TTC3: variants seen among roughly 807,000 people sequenced by gnomAD.
TTC3 encodes tetratricopeptide repeat domain 3.
TTC3 carries 180 observed loss-of-function variants against 249.6 expected under a neutral mutation model. The observed-to-expected ratio is 0.72, with a 90% CI of 0.64 to 0.82. The LOEUF is 0.82. TTC3 is among the 40% of genes least tolerant of loss of function. The pLI is 0.00. For synonymous variants in TTC3, 717 were observed against 805.0 expected, an observed-to-expected ratio of 0.89 and a Z score of 1.85; for missense variants, 2,061 against 2,398.4, an observed-to-expected ratio of 0.86 and a Z score of 2.94.
chr21:37,102,287 T>C (rs1033040769), intron 10 of TTC3, among the ~76,000 whole-genome samples: 4 of 152,228 alleles, frequency 2.6e-5, no homozygotes, highest in Admixed American at 1.3e-4. Flanking sequence ...ATAGTTGTTA[T>C]TTCTTTATTG....
chr21:37,195,619 GT>G, intron 41 of TTC3, 55 bp from the exon 42 acceptor site: 1 of 1,530,668 alleles, frequency 6.5e-7, no homozygotes, highest in Non-Finnish European at 8.8e-7. Context: ...GTCCTTGGGC[GT>G]TTCATCCTTC....
At chr21:37,094,992 T>C (rs2073758482) in intron 8 of TTC3, among the ~76,000 whole-genome samples, 1 of 151,968 alleles carries the variant, frequency 6.6e-6, no homozygotes, top group African/African-American at 2.4e-5. Flanking sequence ...AAAAATTAGC[T>C]TGGCATGGTG....
chr21:37,185,272 C>T (rs188115681), intron 36 of TTC3, among the ~76,000 whole-genome samples: 38 of 152,242 alleles, frequency 2.5e-4, no homozygotes, highest in Admixed American at 1.9e-3. Context: ...TGTGTGCGTG[C>T]GCACCCGCGT....
chr21:37,119,368 A>T, intron 11 of TTC3, among the ~76,000 whole-genome samples: 1 of 152,164 alleles, frequency 6.6e-6, no homozygotes, highest in Non-Finnish European at 1.5e-5. Context: ...AACAGGAATT[A>T]TTCCTGATTT....
At chr21:37,086,565 T>G (rs998155479) in intron 1 of TTC3, 3 of 152,262 alleles carry the variant, frequency 2.0e-5, no homozygotes, top group African/African-American at 7.2e-5. Flanking sequence ...GATTTAGCAG[T>G]GCTGATTGTG....
intron 35 of TTC3, among the ~76,000 whole-genome samples, chr21:37,173,064 G>A (rs746667899): frequency 9.9e-5 from 15 of 152,084 alleles, no homozygotes; most frequent in Non-Finnish European, 2.1e-4. Flanking sequence ...ATATTGAGAG[G>A]CAGCATAGGA....
intron 15 of TTC3, among the ~76,000 whole-genome samples, chr21:37,127,068 T>C (rs2077093400): frequency 6.6e-6 from 1 of 152,222 alleles, no homozygotes; most frequent in Non-Finnish European, 1.5e-5. Context: ...CTGGCCAGGC[T>C]GGTCTCGAAA....
intron 10 of TTC3, 26 bp from the exon 11 acceptor site, chr21:37,108,366 T>C: frequency 6.3e-7 from 1 of 1,597,484 alleles, no homozygotes; most frequent in South Asian, 1.1e-5. Context: ...GAGTGAAAAT[T>C]TTTAAATACT....
At chr21:37,113,531 A>T (rs1008826064) in intron 11 of TTC3, among the ~76,000 whole-genome samples, 7 of 152,208 alleles carry the variant, frequency 4.6e-5, no homozygotes, top group Non-Finnish European at 8.8e-5. Flanking sequence ...CAATGAAATA[A>T]AAGAGGATAC....
intron 14 of TTC3, among the ~76,000 whole-genome samples, chr21:37,125,225 T>C (rs1423808692): frequency 3.3e-5 from 5 of 152,222 alleles, no homozygotes; most frequent in Admixed American, 3.3e-4. Flanking sequence ...CTTCCACCCT[T>C]TTTGAGGTCT....
chr21:37,187,313 T>G (rs2083413822), intron 38 of TTC3, among the ~76,000 whole-genome samples, 168 bp downstream of exon 38: 1 of 152,254 alleles, frequency 6.6e-6, no homozygotes, highest in Non-Finnish European at 1.5e-5. Context: ...TCCTTGCCTA[T>G]AGCCTTGTAA....
chr21:37,122,416 T>TA (rs1218141992), intron 12 of TTC3, among the ~76,000 whole-genome samples: 1 of 72,302 alleles, frequency 1.4e-5, no homozygotes, highest in Admixed American at 1.7e-4. Flanking sequence ...TATATATATA[T>TA]ATAATATATA....
At chr21:37,136,555 G>C (rs1344018540) in intron 18 of TTC3, among the ~76,000 whole-genome samples, 3 of 152,208 alleles carry the variant, frequency 2.0e-5, no homozygotes, top group African/African-American at 7.2e-5. Context: ...ATTCTGTGAA[G>C]GCTGAGAGAG....
chr21:37,154,764 C>CGGCTCACT (rs573863218), intron 27 of TTC3, among the ~76,000 whole-genome samples: 345 of 152,254 alleles, frequency 2.3e-3, no homozygotes, highest in Non-Finnish European at 4.3e-3. Context: ...GGCGCGATCT[C>CGGCTCACT]GGCTCACTGC....
At chr21:37,144,287 C>T (rs564482131) in intron 20 of TTC3, among the ~76,000 whole-genome samples, 27 of 151,892 alleles carry the variant, frequency 1.8e-4, no homozygotes, top group Admixed American at 5.2e-4. Context: ...AAAAAGTGTA[C>T]ACCTGCCACA....
At chr21:37,172,687 C>T (rs373011781) in exon 35 of TTC3, 14 of 1,613,918 alleles carry the variant, frequency 8.7e-6, no homozygotes, top group Middle Eastern at 1.6e-4. Flanking sequence ...AACTTAAGGG[C>T]TTAGAAGAGA....
rs192426180 is a variant in TTC3 at position 37,127,177 on chromosome 21, A to G, written c.1297+1034A>G. Among the ~76,000 whole-genome samples the G allele has an allele frequency of 1.5e-3, 223 of 152,254 alleles. 2 individuals are homozygous for G. The highest frequency in any genetic ancestry group is 4.9e-3 in the African/African-American group (204 of 41,554). On this transcript the variant is annotated intron_variant, in intron 15 of 45. Coordinates refer to ENST00000355666, the Ensembl canonical transcript of TTC3. ...GCCTGGGGTCTCTTCTTATAAGGGC[A>G]CTAATCCCATTCATGAGGGGACAGC... is the stretch of plus-strand genomic sequence containing the variant.
At chr21:37,187,848 G>T (rs2083476929) in intron 38 of TTC3, 1 of 152,126 alleles carries the variant, frequency 6.6e-6, no homozygotes, top group Non-Finnish European at 1.5e-5. Flanking sequence ...ATACTTTTTG[G>T]GTCCTACACC....
chr21:37,129,512 G>C (rs1366727311), intron 16 of TTC3, among the ~76,000 whole-genome samples: 1 of 152,194 alleles, frequency 6.6e-6, no homozygotes, highest in African/African-American at 2.4e-5. Context: ...GCATATTTCA[G>C]ATGCCCTTTT....
Sources: allele counts gnomAD v4.1 joint callset (sites outside exome capture counted in the v4.1 genomes callset), GRCh38; gene constraint gnomAD v4.1.1; transcripts MANE v1.5; gene names NCBI Gene and HGNC (gene_info 2026-07-23, HGNC 2026-07-21).